Variants in MAP3K5 observed in about 807,000 individuals in gnomAD.
MAP3K5 encodes ASK-1.
Under a neutral mutation model 158.7 loss-of-function variants are expected in MAP3K5, and 56 were observed. The ratio of observed to expected loss-of-function variants is 0.35; its 90% confidence interval spans 0.28 to 0.44. The LOEUF (loss-of-function observed/expected upper bound fraction) is 0.44. Ranked by LOEUF, MAP3K5 falls within the 20% of genes least tolerant of loss-of-function variation. The probability of loss-of-function intolerance (pLI) is 1.00; values close to 1 mark genes in which losing one functional copy is unlikely to be tolerated. For missense variants in MAP3K5, 1,294 were observed against 1,674.8 expected, an observed-to-expected ratio of 0.77 and a Z score of 3.97; for synonymous variants, 579 against 601.7, an observed-to-expected ratio of 0.96 and a Z score of 0.55.
chr6:136,725,897 A>G (rs962451269), intron 1 of MAP3K5, among the ~76,000 whole-genome samples: 2 of 152,230 alleles, frequency 1.3e-5, no homozygotes, highest in Admixed American at 6.5e-5. Context: ...GTCAAGATTC[A>G]TATTTGCTGT....
At chr6:136,658,108 T>A (rs1425953145) in intron 9 of MAP3K5, among the ~76,000 whole-genome samples, 1 of 152,034 alleles carries the variant, frequency 6.6e-6, no homozygotes, top group Non-Finnish European at 1.5e-5. Context: ...TAAACAGCCA[T>A]GAGGGCCTAA....
chr6:136,712,540 T>C (rs1208543714), intron 2 of MAP3K5, among the ~76,000 whole-genome samples: 1 of 152,236 alleles, frequency 6.6e-6, no homozygotes, highest in African/African-American at 2.4e-5. Flanking sequence ...TTTTAACCAG[T>C]TGTTTCTTTC....
intron 2 of MAP3K5, among the ~76,000 whole-genome samples, chr6:136,707,631 A>G (rs1781137202): frequency 1.3e-5 from 2 of 152,270 alleles, no homozygotes; most frequent in African/African-American, 4.8e-5. Flanking sequence ...TACAAAAAGT[A>G]AGATTAGAAA....
chr6:136,622,894 T>G lies in MAP3K5; in HGVS notation c.2104A>C (p.Asn702His). The G allele has an allele frequency of 6.2e-7, 1 of 1,613,888 alleles. No homozygotes were observed. Among genetic ancestry groups the G allele is most frequent in the Non-Finnish European group, 8.5e-7 (1 of 1,179,836 alleles). The change falls in exon 15 of 30, where the codon AAC (asparagine) becomes CAC (histidine). Residue 702 changes from asparagine (N) to histidine (H), a missense_variant. By Grantham distance (68) the Asn-to-His change is moderately conservative (BLOSUM62 1). Coordinates refer to ENST00000359015, the MANE Select transcript of MAP3K5 (RefSeq NM_005923.4). ...TCCTTAATAGCAATTCTGACTTGGT[T>G]GCTCAAGTCCCGACCTGCGTAGACT... ...GIVYAGRDLS[N>H]QVRIAIKEIP...
At position 136,583,643 on chromosome 6, in the gene MAP3K5, G is replaced by C; in HGVS notation, c.3323C>G (p.Thr1108Ser). Residue 1108 changes from threonine (T) to serine (S), a missense_variant, in exon 24 of 30, where the codon ACC (threonine) becomes AGC (serine). Thr to Ser is a moderately conservative substitution (Grantham distance 58). Coordinates refer to ENST00000359015, the MANE Select transcript of MAP3K5 (RefSeq NM_005923.4). The part of the protein sequence containing the change: ...VRSTDRKIIA[T>S]TLSKLKLELD... ...CTCCAGTTTCAGCTTTGACAGTGTG[G>C]TGGCTATGATTTTTCGGTCAGTGGA... The C allele has an allele frequency of 6.2e-7, 1 of 1,614,234 alleles. No homozygotes were observed. The highest frequency in any genetic ancestry group is 8.5e-7 in the Non-Finnish European group (1 of 1,180,044).
rs139665870 is a variant in MAP3K5 at position 136,633,425 on chromosome 6, G to GTATATATATATATA, written c.2016+3886_2016+3899dup. ...AAAAAATAAAATAAAATAAATATATGTATATATATATATATATTCTTTTCA... is the reference window on the plus strand; with the variant it reads ...AAAAAATAAAATAAAATAAATATATGTATATATATATATATATATATATATATATATTCTTTTCA... On this transcript the variant is annotated intron_variant, in intron 14 of 29. Transcript: ENST00000359015. Among the ~76,000 whole-genome samples, 17 of 147,368 alleles carry GTATATATATATATA rather than the reference G, an allele frequency of 1.2e-4. No homozygotes were observed. In the East Asian group the frequency reaches 1.8e-3, roughly 15 times the overall value.
Position 136,583,694 on chromosome 6 carries a change from A to G in MAP3K5, c.3272T>C (p.Ile1091Thr), listed in dbSNP as rs1351521256. 2 of 1,614,220 alleles carry G rather than the reference A, an allele frequency of 1.2e-6. No individual in the cohort carries two copies. Among genetic ancestry groups the G allele is most frequent in the Non-Finnish European group, 1.7e-6 (2 of 1,180,030 alleles). The change falls in exon 24 of 30, where the codon ATT (isoleucine) becomes ACT (threonine). Residue 1091 changes from isoleucine (I) to threonine (T), a missense_variant. Ile to Thr is a moderately conservative substitution (Grantham distance 89). Transcript: ENST00000359015. ...KLKWEHITTL[I>T]ASLREFVRST... Reference sequence around the variant, plus strand: ...TCTCACAAATTCTCTGAGGCTTGCAATGAGGGTTGTGATGTGTTCCCATTT... The same window carrying G: ...TCTCACAAATTCTCTGAGGCTTGCAGTGAGGGTTGTGATGTGTTCCCATTT...
chr6:136,720,517 C>T lies in MAP3K5; in HGVS notation c.521G>A (p.Ser174Asn). The change falls in exon 2 of 30, where the codon AGT becomes AAT. Residue 174 changes from serine (S) to asparagine (N), a missense_variant. By Grantham distance (46) the Ser-to-Asn change is conservative (BLOSUM62 1). This residue lies in a region of MAP3K5 where 690 missense variants were observed against 870.5 expected (regional missense o/e 0.79). Coordinates refer to ENST00000359015, the MANE Select transcript of MAP3K5 (RefSeq NM_005923.4). ...GATGATGTTGTTGGCCATGCTGAAA[C>T]TTTCTCTCACCCCAAGGTGGTAAAA... ...SLFYHLGVRESFSMANNIILY... is the reference protein window; with the variant it reads ...SLFYHLGVRENFSMANNIILY... 1 of 1,613,650 alleles carries T rather than the reference C, an allele frequency of 6.2e-7. No homozygotes were observed. Among genetic ancestry groups the T allele is most frequent in the South Asian group, 1.1e-5 (1 of 91,008 alleles).
intron 10 of MAP3K5, among the ~76,000 whole-genome samples, chr6:136,653,959 G>A (rs1778633074): frequency 6.6e-6 from 1 of 151,944 alleles, no homozygotes; most frequent in Non-Finnish European, 1.5e-5. Context: ...AGAGATGAGG[G>A]GGAAAACACT....
At chr6:136,714,597 A>G (rs1192856926) in intron 2 of MAP3K5, among the ~76,000 whole-genome samples, 1 of 152,162 alleles carries the variant, frequency 6.6e-6, no homozygotes, top group East Asian at 1.9e-4. Flanking sequence ...TGTTCAGCCA[A>G]TGATCTGTTG....
At chr6:136,612,758 G>C (rs1776398726) in intron 17 of MAP3K5, among the ~76,000 whole-genome samples, 1 of 151,874 alleles carries the variant, frequency 6.6e-6, no homozygotes, top group African/African-American at 2.4e-5. Flanking sequence ...TTACTGAGTA[G>C]CTACTATGGG....
chr6:136,778,683 G>A (rs1409615655), intron 1 of MAP3K5, among the ~76,000 whole-genome samples: 1 of 152,180 alleles, frequency 6.6e-6, no homozygotes, highest in Non-Finnish European at 1.5e-5. Flanking sequence ...TGAGACAGGA[G>A]AACATAAGTT....
At chr6:136,594,493 G>A (rs1275503285) in intron 21 of MAP3K5, among the ~76,000 whole-genome samples, 2 of 152,178 alleles carry the variant, frequency 1.3e-5, no homozygotes, top group African/African-American at 4.8e-5. Context: ...GCTATGAGAT[G>A]TCAAGTCCCT....
chr6:136,680,820 T>C (rs958585068), intron 7 of MAP3K5, among the ~76,000 whole-genome samples: 1 of 151,936 alleles, frequency 6.6e-6, no homozygotes, highest in Admixed American at 6.6e-5. Context: ...TAAACAACAA[T>C]GCAAACCCAT....
At chr6:136,575,161 AT>A (rs60443578) in intron 25 of MAP3K5, among the ~76,000 whole-genome samples, 2,374 of 127,390 alleles carry the variant, frequency 0.019, 16 homozygotes, top group South Asian at 0.028. Context: ...ATACAATACT[AT>A]TTTTTTTTTT....
At chr6:136,769,270 T>C (rs537500594) in intron 1 of MAP3K5, among the ~76,000 whole-genome samples, 2 of 152,336 alleles carry the variant, frequency 1.3e-5, no homozygotes, top group South Asian at 4.1e-4. Context: ...ACATATTGTA[T>C]GATTCCACTT....
chr6:136,747,592 C>T (rs143087914), intron 1 of MAP3K5, among the ~76,000 whole-genome samples: 67 of 152,290 alleles, frequency 4.4e-4, no homozygotes, highest in African/African-American at 9.9e-4. Context: ...TTTTGCAAGA[C>T]TGGCAGATTA....
chr6:136,606,441 G>T (rs1186312289), intron 18 of MAP3K5, among the ~76,000 whole-genome samples: 2 of 152,178 alleles, frequency 1.3e-5, no homozygotes. Flanking sequence ...TGGTATAATA[G>T]AAAGAATTAA....
At chr6:136,645,007 C>T (rs1363571248) in intron 11 of MAP3K5, among the ~76,000 whole-genome samples, 2 of 152,292 alleles carry the variant, frequency 1.3e-5, no homozygotes, top group East Asian at 1.9e-4. Flanking sequence ...TAGCTCACTA[C>T]AGCCTGGATC....
Sources: gnomAD v4.1 joint callset for allele counts (sites outside exome capture counted in the v4.1 genomes callset) on GRCh38, gnomAD v4.1.1 for gene constraint, gnomAD v4.1.1 regional missense constraint, MANE v1.5 for transcripts, NCBI Gene and HGNC (gene_info 2026-07-23, HGNC 2026-07-21) for gene names.